Variants in MECOM observed in about 807,000 individuals in gnomAD.
MECOM encodes histone-lysine N-methyltransferase MECOM.
Under a neutral mutation model 116.3 loss-of-function variants are expected in MECOM, and 13 were observed. The observed-to-expected ratio is 0.11, with a 90% CI of 0.07 to 0.18. The LOEUF is 0.18. Among genes scored for constraint, MECOM ranks in the 10% least tolerant of loss-of-function variants. MECOM has a pLI of 1.00. For synonymous variants in MECOM, 528 were observed against 535.2 expected (o/e 0.99, Z 0.19); for missense variants, 1,299 against 1,509.0 (o/e 0.86, Z 2.31).
At chr3:169,549,562 G>A (rs979089037) in intron 1 of MECOM, among the ~76,000 whole-genome samples, 6 of 152,266 alleles carry the variant, frequency 3.9e-5, no homozygotes, top group African/African-American at 1.4e-4. Context: ...GCCTTAGATT[G>A]TTCTGGGGGA....
chr3:169,498,665 T>A (rs558865889), intron 1 of MECOM, among the ~76,000 whole-genome samples: 36 of 152,284 alleles, frequency 2.4e-4, no homozygotes, highest in Middle Eastern at 3.4e-3. Context: ...CAGGGAAGAA[T>A]GAATTCAAGA....
At chr3:169,451,398 C>T (rs998674303) in intron 1 of MECOM, among the ~76,000 whole-genome samples, 11 of 152,080 alleles carry the variant, frequency 7.2e-5, no homozygotes, top group African/African-American at 2.7e-4. Flanking sequence ...AAATATTAAC[C>T]ATCTTAGCTG....
At chr3:169,414,078 G>A (rs1288974431) in intron 1 of MECOM, among the ~76,000 whole-genome samples, 4 of 152,312 alleles carry the variant, frequency 2.6e-5, no homozygotes, top group East Asian at 3.9e-4. Flanking sequence ...CCAGACCCCC[G>A]TGCCTCCTGA....
At chr3:169,421,973 C>A (rs764783604) in intron 1 of MECOM, among the ~76,000 whole-genome samples, 8 of 152,088 alleles carry the variant, frequency 5.3e-5, no homozygotes, top group Non-Finnish European at 1.0e-4. Context: ...CTGTAAAGAA[C>A]CTGGACAATC....
chr3:169,540,853 G>A (rs1388410199), intron 1 of MECOM, among the ~76,000 whole-genome samples: 3 of 152,042 alleles, frequency 2.0e-5, no homozygotes, highest in Non-Finnish European at 4.4e-5. Flanking sequence ...ACACTCAAAT[G>A]TAACCTCCAT....
intron 1 of MECOM, among the ~76,000 whole-genome samples, chr3:169,468,032 T>C (rs1748589628): frequency 1.3e-5 from 2 of 152,290 alleles, no homozygotes; most frequent in South Asian, 4.1e-4. Flanking sequence ...TGTCAAGTCA[T>C]TTTCCCCCAA....
intron 7 of MECOM, among the ~76,000 whole-genome samples, chr3:169,120,375 G>T (rs553397043): frequency 2.6e-5 from 4 of 152,292 alleles, no homozygotes; most frequent in African/African-American, 7.2e-5. Flanking sequence ...TCTGTACAGG[G>T]ATGTTCTAAG....
intron 1 of MECOM, among the ~76,000 whole-genome samples, chr3:169,569,299 G>A (rs955637504): frequency 2.0e-5 from 3 of 151,772 alleles, no homozygotes; most frequent in Non-Finnish European, 4.4e-5. Context: ...GCTAATATAT[G>A]CACCCAATAC....
In MECOM at chr3:169,253,206, C is replaced by T. The variant is rs6777988; in HGVS notation, c.376-109374G>A. Among the ~76,000 whole-genome samples, 367 of 152,252 alleles carry T rather than the reference C, an allele frequency of 2.4e-3. 1 individual carries two copies. The highest frequency in any genetic ancestry group is 8.3e-3 in the African/African-American group (344 of 41,564). On this transcript the variant is annotated intron_variant, in intron 2 of 16. Coordinates refer to ENST00000651503, the MANE Select transcript of MECOM (RefSeq NM_004991.4). ...TTTGGTTGGAAATAGCAACAATGCT[C>T]ACTATATTTTTACAATATGCCTTTC...
chr3:169,112,988 C>T (rs931244622), intron 8 of MECOM, 114 bp from the exon 9 acceptor site: 20 of 725,808 alleles, frequency 2.8e-5, no homozygotes, highest in African/African-American at 8.8e-5. Context: ...TTCTGGGAAG[C>T]GCACTCATAA....
intron 2 of MECOM, among the ~76,000 whole-genome samples, chr3:169,242,516 C>T (rs1200567839): frequency 1.3e-5 from 2 of 152,196 alleles, no homozygotes; most frequent in African/African-American, 4.8e-5. Flanking sequence ...TGCTCCGAAC[C>T]TCATCCCCTT....
At chr3:169,362,058 G>A (rs1445251865) in intron 2 of MECOM, among the ~76,000 whole-genome samples, 1 of 151,746 alleles carries the variant, frequency 6.6e-6, no homozygotes, top group Non-Finnish European at 1.5e-5. Flanking sequence ...GTTTCACACG[G>A]GAGAAATGAT....
chr3:169,117,825 C>T (rs922806698), intron 7 of MECOM, among the ~76,000 whole-genome samples: 2 of 152,174 alleles, frequency 1.3e-5, no homozygotes, highest in Non-Finnish European at 2.9e-5. Flanking sequence ...AAGAATCACT[C>T]ACTTCACTGT....
chr3:169,459,922 C>T (rs887828681), intron 1 of MECOM, among the ~76,000 whole-genome samples: 9 of 152,076 alleles, frequency 5.9e-5, no homozygotes, highest in African/African-American at 1.7e-4. Flanking sequence ...GTATACACCC[C>T]GAAAGACTAA....
chr3:169,401,838 AG>A (rs1344893911), intron 1 of MECOM, among the ~76,000 whole-genome samples: 1 of 152,234 alleles, frequency 6.6e-6, no homozygotes, highest in Admixed American at 6.5e-5. Context: ...GAAATAGAGT[AG>A]GTGCACATGC....
intron 2 of MECOM, among the ~76,000 whole-genome samples, chr3:169,348,298 T>C (rs1725723798): frequency 6.6e-6 from 1 of 152,074 alleles, no homozygotes; most frequent in Non-Finnish European, 1.5e-5. Context: ...TTTCTGGGTG[T>C]GGAGTGTGAA....
chr3:169,593,274 A>G (rs1050366740), intron 1 of MECOM, among the ~76,000 whole-genome samples: 1 of 152,310 alleles, frequency 6.6e-6, no homozygotes, highest in Middle Eastern at 3.4e-3. Flanking sequence ...TGTAGATGGG[A>G]AAAATCAAAC....
intron 16 of MECOM, chr3:169,086,590 C>T (rs1717824566): frequency 1.4e-6 from 1 of 700,562 alleles, no homozygotes; most frequent in Non-Finnish European, 2.6e-6. Flanking sequence ...ATAGTAATAA[C>T]AGTATTGGCC....
In MECOM at chr3:169,548,187, A is replaced by G. The variant is rs1272509683; in HGVS notation, c.37+115149T>C. 2.0e-5 allele frequency among the ~76,000 whole-genome samples: 3 copies of G among 152,130 alleles called. No homozygotes were observed. In the East Asian group the frequency reaches 5.8e-4, roughly 29 times the overall value. On this transcript the variant is annotated intron_variant, in intron 1 of 16. Coordinates refer to ENST00000651503, the MANE Select transcript of MECOM (RefSeq NM_004991.4). ...CTACATATCAAAGGAAGTCACACAC[A>G]CACAAAAAAAAAGAAAGAAAAACTT... is the stretch of plus-strand genomic sequence containing the variant.
Sources: gnomAD v4.1 joint callset for allele counts (sites outside exome capture counted in the v4.1 genomes callset) on GRCh38, gnomAD v4.1.1 for gene constraint, MANE v1.5 for transcripts, NCBI Gene and HGNC (gene_info 2026-07-23, HGNC 2026-07-21) for gene names.